VWC2L: variants seen among roughly 807,000 people sequenced by gnomAD.
VWC2L encodes the protein von Willebrand factor C domain-containing protein 2-like.
Under a neutral mutation model 21.6 loss-of-function variants are expected in VWC2L, and 10 were observed. The ratio of observed to expected loss-of-function variants is 0.46; its 90% CI spans 0.29 to 0.78. VWC2L has a LOEUF of 0.78. Ranked by LOEUF, VWC2L falls within the 30% of genes least tolerant of loss-of-function variation. VWC2L has a pLI of 0.10. For missense variants in VWC2L, 209 were observed against 277.1 expected, an observed-to-expected ratio of 0.75 and a Z score of 1.74; for synonymous variants, 96 against 94.3, an observed-to-expected ratio of 1.02 and a Z score of -0.10.
intron 3 of VWC2L, among the ~76,000 whole-genome samples, chr2:214,556,963 G>C (rs1689882422): frequency 6.6e-6 from 1 of 152,188 alleles, no homozygotes; most frequent in African/African-American, 2.4e-5. Context: ...TGACTCTTTA[G>C]TAATTACAGC....
intron 3 of VWC2L, among the ~76,000 whole-genome samples, chr2:214,480,863 CCAAAAAAAAAA>C (rs1688592691): frequency 9.4e-5 from 1 of 10,694 alleles, no homozygotes. Flanking sequence ...ATATGCCAAG[CCAAAAAAAAAA>C]AAAAAAAAAA....
At chr2:214,550,897 CT>C (rs1236922699) in intron 3 of VWC2L, among the ~76,000 whole-genome samples, 7 of 152,118 alleles carry the variant, frequency 4.6e-5, no homozygotes, top group African/African-American at 1.7e-4. Flanking sequence ...ATTTAAACAA[CT>C]AATTTTGCTA....
chr2:214,515,080 A>G (rs1024766497), intron 3 of VWC2L, among the ~76,000 whole-genome samples: 12 of 152,204 alleles, frequency 7.9e-5, no homozygotes, highest in African/African-American at 2.7e-4. Flanking sequence ...TTTTGTTAAT[A>G]TAATGTTAAA....
chr2:214,543,961 C>T (rs189873373), intron 3 of VWC2L, among the ~76,000 whole-genome samples: 13 of 152,310 alleles, frequency 8.5e-5, no homozygotes, highest in African/African-American at 1.4e-4. Flanking sequence ...GGATCTATAG[C>T]GCTTTGCAAG....
At chr2:214,463,102 T>C (rs1391435515) in intron 3 of VWC2L, among the ~76,000 whole-genome samples, 1 of 152,202 alleles carries the variant, frequency 6.6e-6, no homozygotes, top group African/African-American at 2.4e-5. Context: ...CATTCTCGGA[T>C]ATAGTACTAT....
chr2:214,417,015 CT>C (rs943213513), intron 2 of VWC2L, among the ~76,000 whole-genome samples: 8 of 151,996 alleles, frequency 5.3e-5, no homozygotes, highest in Non-Finnish European at 2.9e-5. Flanking sequence ...ATTCTCATAC[CT>C]TTTTAAAATG....
At chr2:214,426,678 A>C (rs1015418744) in intron 2 of VWC2L, among the ~76,000 whole-genome samples, 1 of 152,236 alleles carries the variant, frequency 6.6e-6, no homozygotes, top group African/African-American at 2.4e-5. Flanking sequence ...TTGGCAAATC[A>C]AAAAAGGTCT....
rs116732137 is a variant in VWC2L at position 214,493,452 on chromosome 2, T to G, written c.520+56694T>G. Among the ~76,000 whole-genome samples, 1,222 of 152,292 alleles carry G rather than the reference T, an allele frequency of 8.0e-3. 20 individuals carry two copies. The highest frequency in any genetic ancestry group is 0.028 in the African/African-American group (1,160 of 41,564). On this transcript the variant is annotated intron_variant, in intron 3 of 3. Transcript: ENST00000312504. ...CTAGACCCAGAGGCTCACAAATATT[T>G]TAACGATTCTGTCCCTTTGTCCTTC...
At chr2:214,499,758 C>T (rs936583533) in intron 3 of VWC2L, among the ~76,000 whole-genome samples, 2 of 152,198 alleles carry the variant, frequency 1.3e-5, no homozygotes, top group Admixed American at 6.5e-5. Context: ...GTAGTTTACT[C>T]AGAAAAATTT....
At chr2:214,449,636 T>C (rs1702924223) in intron 3 of VWC2L, among the ~76,000 whole-genome samples, 1 of 152,216 alleles carries the variant, frequency 6.6e-6, no homozygotes, top group South Asian at 2.1e-4. Flanking sequence ...CAGCGAGACC[T>C]CTGATATTTA....
chr2:214,421,729 A>T (rs1702443806), intron 2 of VWC2L, among the ~76,000 whole-genome samples: 1 of 151,810 alleles, frequency 6.6e-6, no homozygotes, highest in African/African-American at 2.4e-5. Flanking sequence ...AAAAAGAATG[A>T]CCTGGTAGTC....
intron 3 of VWC2L, among the ~76,000 whole-genome samples, chr2:214,559,976 T>C (rs1689940942): frequency 6.6e-6 from 1 of 152,222 alleles, no homozygotes; most frequent in South Asian, 2.1e-4. Flanking sequence ...ATATTTCCAG[T>C]GCCTGAAACA....
intron 3 of VWC2L, among the ~76,000 whole-genome samples, chr2:214,482,447 A>C (rs1471429751): frequency 6.6e-6 from 1 of 151,456 alleles, no homozygotes; most frequent in Non-Finnish European, 1.5e-5. Context: ...AACTGGTAAA[A>C]TATATATATA....
chr2:214,540,602 T>C (rs1402296515), intron 3 of VWC2L, among the ~76,000 whole-genome samples: 1 of 152,214 alleles, frequency 6.6e-6, no homozygotes, highest in Non-Finnish European at 1.5e-5. Flanking sequence ...TTTCCAAAGT[T>C]CCATGTTATT....
chr2:214,487,276 A>G (rs1688683943), intron 3 of VWC2L, among the ~76,000 whole-genome samples: 1 of 152,202 alleles, frequency 6.6e-6, no homozygotes, highest in African/African-American at 2.4e-5. Context: ...AGCAATCTTG[A>G]CATTACTTTC....
intron 3 of VWC2L, among the ~76,000 whole-genome samples, chr2:214,495,540 G>C (rs957408419): frequency 6.6e-6 from 1 of 152,248 alleles, no homozygotes; most frequent in Non-Finnish European, 1.5e-5. Context: ...CACTGGCAGA[G>C]AACTTCACTG....
intron 3 of VWC2L, among the ~76,000 whole-genome samples, chr2:214,446,855 C>T (rs756321165): frequency 1.3e-5 from 2 of 152,134 alleles, no homozygotes; most frequent in Non-Finnish European, 2.9e-5. Flanking sequence ...GGGTGTTGAA[C>T]ACATACATAT....
At chr2:214,470,469 G>T (rs971186384) in intron 3 of VWC2L, among the ~76,000 whole-genome samples, 7 of 152,064 alleles carry the variant, frequency 4.6e-5, no homozygotes, top group Non-Finnish European at 1.0e-4. Context: ...ATGCTGCTGG[G>T]TGTTGAGTGC....
At chr2:214,439,389 G>A (rs1354177692) in intron 3 of VWC2L, among the ~76,000 whole-genome samples, 1 of 151,794 alleles carries the variant, frequency 6.6e-6, no homozygotes, top group Non-Finnish European at 1.5e-5. Context: ...GCCCATTATA[G>A]TATAAACTAT....
Sources: gnomAD v4.1 joint callset for allele counts (sites outside exome capture counted in the v4.1 genomes callset) on GRCh38, gnomAD v4.1.1 for gene constraint, MANE v1.5 for transcripts, NCBI Gene and HGNC (gene_info 2026-07-23, HGNC 2026-07-21) for gene names.